Variants in SEC24A observed in about 807,000 individuals in gnomAD.
SEC24A encodes protein transport protein Sec24A.
SEC24A carries 93 observed loss-of-function variants against 129.4 expected under a neutral mutation model. The observed-to-expected ratio is 0.72, with a 90% CI of 0.61 to 0.85. SEC24A has a LOEUF of 0.85. SEC24A is among the 40% of genes least tolerant of loss of function. SEC24A has a pLI of 0.00. For missense variants in SEC24A, 1,264 were observed against 1,307.4 expected (o/e 0.97, Z 0.51); for synonymous variants, 460 against 467.3 (o/e 0.98, Z 0.20).
At position 134,675,973 on chromosome 5, in the gene SEC24A, T is replaced by G. The variant is rs921851390; in HGVS notation, c.1152-50T>G. On this transcript the variant is annotated intron_variant, in intron 6 of 22. Coordinates refer to ENST00000398844, the MANE Select transcript of SEC24A (RefSeq NM_021982.3). ...TTTTAAATCTTTGTTGTTGTTTTCT[T>G]CAAAAATAATCATAGCAGCAACTGA... The G allele has an allele frequency of 2.3e-6, 3 of 1,306,798 alleles. No homozygotes were observed. In the African/African-American group the frequency reaches 4.5e-5, roughly 20 times the overall value. The allele number at this position is 1,306,798 out of a possible 1,614,324, so 81.0% of individuals were successfully genotyped here.
At chr5:134,712,634 T>C (rs528956251) in intron 18 of SEC24A, among the ~76,000 whole-genome samples, 1 of 152,146 alleles carries the variant, frequency 6.6e-6, no homozygotes, top group African/African-American at 2.4e-5. Context: ...TAATTTTTTT[T>C]TTGAGACTAG....
At position 134,682,415 on chromosome 5, in the gene SEC24A, G is replaced by C. The variant is rs1458240765; in HGVS notation, c.1424G>C (p.Gly475Ala). The part of the protein sequence containing the change: ...FLYNPLTRVY[G>A]EPHRRPEVQN... ...TACAACCCTTTGACCAGAGTTTATGGAGAACCTCACAGAAGACCAGAAGTT... is the reference window on the plus strand; with the variant it reads ...TACAACCCTTTGACCAGAGTTTATGCAGAACCTCACAGAAGACCAGAAGTT... The change falls in exon 9 of 23, where the codon GGA becomes GCA. Residue 475 changes from glycine (G) to alanine (A), a missense_variant. Physicochemically the swap from Gly to Ala is moderately conservative, Grantham distance 60 (BLOSUM62 0). Coordinates refer to ENST00000398844, the MANE Select transcript of SEC24A (RefSeq NM_021982.3). The C allele has an allele frequency of 1.9e-5, 31 of 1,609,304 alleles. No homozygotes were observed. Among genetic ancestry groups the C allele is most frequent in the Non-Finnish European group, 2.6e-5 (31 of 1,175,972 alleles).
At chr5:134,703,259 C>A (rs1321449973) in intron 15 of SEC24A, among the ~76,000 whole-genome samples, 1 of 151,846 alleles carries the variant, frequency 6.6e-6, no homozygotes, top group African/African-American at 2.4e-5. Flanking sequence ...AAATTATCGT[C>A]CAAAAATGTT....
At chr5:134,709,192 CAG>C (rs754085037) in intron 18 of SEC24A, among the ~76,000 whole-genome samples, 5 of 152,060 alleles carry the variant, frequency 3.3e-5, no homozygotes, top group Non-Finnish European at 7.4e-5. Context: ...GCTTGGGTGA[CAG>C]AGCCAGACTC....
intron 5 of SEC24A, 45 bp from the exon 6 acceptor site, chr5:134,675,000 A>G: frequency 6.8e-7 from 1 of 1,464,544 alleles, no homozygotes; most frequent in Non-Finnish European, 9.3e-7. Context: ...CCACTTCCCT[A>G]CACACTTAAT....
At chr5:134,652,560 A>G (rs1480920977) in intron 1 of SEC24A, among the ~76,000 whole-genome samples, 4 of 152,046 alleles carry the variant, frequency 2.6e-5, no homozygotes, top group African/African-American at 9.7e-5. Flanking sequence ...TGCCGGGATT[A>G]CAGGCGTGAG....
intron 21 of SEC24A, among the ~76,000 whole-genome samples, chr5:134,722,316 C>A (rs988219496): frequency 1.3e-5 from 2 of 151,908 alleles, no homozygotes; most frequent in African/African-American, 4.8e-5. Context: ...CATGGAGAAA[C>A]CCCCGTCTCA....
intron 19 of SEC24A, among the ~76,000 whole-genome samples, chr5:134,715,956 G>C (rs530828908): frequency 1.3e-5 from 2 of 151,738 alleles, no homozygotes; most frequent in Non-Finnish European, 2.9e-5. Flanking sequence ...ACAAGTGCAC[G>C]TCTAGATCTG....
At chr5:134,704,457 G>C (rs1294067325) in intron 16 of SEC24A, among the ~76,000 whole-genome samples, 1 of 152,046 alleles carries the variant, frequency 6.6e-6, no homozygotes, top group Non-Finnish European at 1.5e-5. Flanking sequence ...ATTTGAATGC[G>C]ATCCCTGTTC....
chr5:134,721,698 C>A (rs1450442508), intron 21 of SEC24A, among the ~76,000 whole-genome samples: 1 of 151,958 alleles, frequency 6.6e-6, no homozygotes, highest in African/African-American at 2.4e-5. Flanking sequence ...ATAGTGAGAC[C>A]CCATAACTAC....
At chr5:134,671,590 CTT>C (rs952852942) in intron 3 of SEC24A, among the ~76,000 whole-genome samples, 2 of 152,178 alleles carry the variant, frequency 1.3e-5, no homozygotes, top group African/African-American at 4.8e-5. Flanking sequence ...AAAAAAGACT[CTT>C]TCCAAAGACT....
At position 134,726,711 on chromosome 5, in the gene SEC24A, G is replaced by T. The variant is rs1471823172; in HGVS notation, c.*1617G>T. The T allele has an allele frequency of 1.3e-5, 2 of 152,070 alleles. No homozygotes were observed. Among genetic ancestry groups the T allele is most frequent in the South Asian group, 4.1e-4 (2 of 4,824 alleles). 9.4% of individuals were successfully genotyped at this position (152,070 alleles called of 1,614,324 possible). ...TAAGAAGCAATTTTCAAATTGTAGC[G>T]AATTATATTATCCCCTCTTTTAAAG... On this transcript the variant is annotated 3_prime_UTR_variant, in exon 23 of 23. Transcript: ENST00000398844.
chr5:134,704,009 A>T, intron 16 of SEC24A, 77 bp downstream of exon 16: 2 of 902,002 alleles, frequency 2.2e-6, no homozygotes, highest in Non-Finnish European at 3.5e-6. Context: ...GGGCTATAAA[A>T]TACATGTAGC....
intron 21 of SEC24A, among the ~76,000 whole-genome samples, chr5:134,721,895 G>T (rs1441190645): frequency 6.6e-6 from 1 of 152,134 alleles, no homozygotes; most frequent in Non-Finnish European, 1.5e-5. Flanking sequence ...ATAAAAGACT[G>T]CTGTGTCAGG....
chr5:134,682,853 C>A (rs767690226), intron 9 of SEC24A, among the ~76,000 whole-genome samples: 1 of 152,088 alleles, frequency 6.6e-6, no homozygotes, highest in Non-Finnish European at 1.5e-5. Flanking sequence ...AGGTGTGAGC[C>A]GCTGTGCCCA....
At chr5:134,714,495 G>A (rs1752421938) in intron 18 of SEC24A, among the ~76,000 whole-genome samples, 1 of 152,204 alleles carries the variant, frequency 6.6e-6, no homozygotes, top group African/African-American at 2.4e-5. Context: ...CTCTTTATGA[G>A]AATCTAATGT....
intron 17 of SEC24A, among the ~76,000 whole-genome samples, chr5:134,707,864 C>T (rs983300085): frequency 1.3e-5 from 2 of 151,556 alleles, no homozygotes; most frequent in Non-Finnish European, 2.9e-5. Context: ...TGCAGAAATG[C>T]GTATAAACAG....
intron 18 of SEC24A, 52 bp from the exon 19 acceptor site, chr5:134,714,972 A>G: frequency 6.5e-7 from 1 of 1,539,830 alleles, no homozygotes; most frequent in Non-Finnish European, 8.9e-7. Context: ...AAAGTTCTGG[A>G]TGTATTTTTA....
intron 2 of SEC24A, among the ~76,000 whole-genome samples, chr5:134,666,266 A>G (rs1750654985): frequency 6.6e-6 from 1 of 152,118 alleles, no homozygotes. Context: ...AGAAATTTGT[A>G]AAATATGGTC....
Sources: gnomAD v4.1 joint callset for allele counts (sites outside exome capture counted in the v4.1 genomes callset) on GRCh38, gnomAD v4.1.1 for gene constraint, MANE v1.5 for transcripts, NCBI Gene and HGNC (gene_info 2026-07-23, HGNC 2026-07-21) for gene names.